PTPRD: variants seen among roughly 807,000 people sequenced by gnomAD.
The protein encoded by PTPRD is receptor-type tyrosine-protein phosphatase delta.
Under a neutral mutation model 214.5 loss-of-function variants are expected in PTPRD, and 34 were observed. The ratio of observed to expected loss-of-function variants is 0.16; its 90% CI spans 0.12 to 0.21. PTPRD has a LOEUF of 0.21. Ranked by LOEUF, PTPRD falls within the 10% of genes least tolerant of loss-of-function variation. The pLI is 1.00. For synonymous variants in PTPRD, 1,128 were observed against 845.7 expected (o/e 1.33, Z -5.79); for missense variants, 2,545 against 2,398.7 (o/e 1.06, Z -1.27).
At chr9:10,513,119 C>T (rs1281294972) in intron 2 of PTPRD, among the ~76,000 whole-genome samples, 1 of 151,420 alleles carries the variant, frequency 6.6e-6, no homozygotes, top group African/African-American at 2.4e-5. Context: ...AAAATGGTAC[C>T]AGTATTTTGT....
intron 7 of PTPRD, among the ~76,000 whole-genome samples, chr9:9,605,844 G>A (rs143605304): frequency 2.0e-4 from 31 of 152,146 alleles, no homozygotes; most frequent in African/African-American, 7.0e-4. Flanking sequence ...TGCATTACAC[G>A]AATTTCCAAC....
intron 3 of PTPRD, among the ~76,000 whole-genome samples, chr9:10,060,776 T>TTTTCTCTTTCTTTC (rs1555530999): frequency 3.0e-5 from 4 of 132,142 alleles, no homozygotes; most frequent in African/African-American, 1.6e-4. Context: ...CAGGTCTTGC[T>TTTTCTCTTTCTTTC]TTTCTTTCTT....
At chr9:9,584,325 A>C (rs768242511) in intron 7 of PTPRD, among the ~76,000 whole-genome samples, 1 of 136,602 alleles carries the variant, frequency 7.3e-6, no homozygotes, top group South Asian at 2.2e-4. Flanking sequence ...TTTGGAAAAG[A>C]AAGCTACTAC....
At chr9:9,288,231 G>C (rs1197569820) in intron 9 of PTPRD, among the ~76,000 whole-genome samples, 1 of 151,544 alleles carries the variant, frequency 6.6e-6, no homozygotes, top group Non-Finnish European at 1.5e-5. Flanking sequence ...TTTGTTGTCG[G>C]AGGTGATTTG....
At chr9:9,954,372 G>C (rs955059653) in intron 4 of PTPRD, among the ~76,000 whole-genome samples, 6 of 149,964 alleles carry the variant, frequency 4.0e-5, no homozygotes, top group African/African-American at 1.5e-4. Context: ...TCTATTTAGG[G>C]AGTAATGTAA....
intron 27 of PTPRD, among the ~76,000 whole-genome samples, chr9:8,488,481 T>C (rs141739584): frequency 3.9e-4 from 60 of 152,298 alleles, no homozygotes; most frequent in African/African-American, 1.3e-3. Flanking sequence ...TGTTGTGTTG[T>C]ATATATAAAA....
At chr9:9,101,225 TA>T in intron 10 of PTPRD, among the ~76,000 whole-genome samples, 2 of 151,982 alleles carry the variant, frequency 1.3e-5, no homozygotes, top group East Asian at 3.9e-4. Flanking sequence ...ATTATAGATA[TA>T]AAAAAAGATC....
At chr9:8,578,080 G>T (rs576957745) in intron 14 of PTPRD, among the ~76,000 whole-genome samples, 1 of 152,222 alleles carries the variant, frequency 6.6e-6, no homozygotes, top group Non-Finnish European at 1.5e-5. Context: ...ATTTCATTGC[G>T]CTTTATACAG....
chr9:9,742,376 C>A (rs2098413007), intron 6 of PTPRD, among the ~76,000 whole-genome samples: 1 of 152,116 alleles, frequency 6.6e-6, no homozygotes, highest in Non-Finnish European at 1.5e-5. Flanking sequence ...TTCACTTTCA[C>A]CTTTCGTAGA....
intron 31 of PTPRD, among the ~76,000 whole-genome samples, chr9:8,467,521 T>G (rs2096567494): frequency 6.6e-6 from 1 of 151,874 alleles, no homozygotes; most frequent in Non-Finnish European, 1.5e-5. Flanking sequence ...ATGAGGAAAC[T>G]GAGGCACAAT....
intron 14 of PTPRD, among the ~76,000 whole-genome samples, chr9:8,606,932 G>T (rs1030448298): frequency 2.6e-5 from 4 of 152,120 alleles, no homozygotes; most frequent in Non-Finnish European, 5.9e-5. Flanking sequence ...AATAGTCTTA[G>T]GTAAAGAAAA....
chr9:9,764,400 G>T (rs2098689477), intron 6 of PTPRD, among the ~76,000 whole-genome samples: 1 of 152,086 alleles, frequency 6.6e-6, no homozygotes, highest in African/African-American at 2.4e-5. Context: ...ATGAAATTTT[G>T]AAAAGAAGTT....
At chr9:9,829,653 C>T (rs1389566664) in intron 5 of PTPRD, among the ~76,000 whole-genome samples, 7 of 151,732 alleles carry the variant, frequency 4.6e-5, no homozygotes, top group Admixed American at 2.6e-4. Context: ...TAACCAAAAC[C>T]ACTACATTAA....
At position 8,423,494 on chromosome 9, in the gene PTPRD, T is replaced by A. The variant is rs147521226; in HGVS notation, c.4086+13098A>T. Among the ~76,000 whole-genome samples the A allele has an allele frequency of 7.8e-3, 1,191 of 152,258 alleles. 12 individuals carry two copies. Among genetic ancestry groups the A allele is most frequent in the African/African-American group, 0.027 (1,128 of 41,554 alleles). Reference sequence around the variant, plus strand: ...CAGAAACATGAAAGGATTTTGCATATATGAAAAGGTGTTTTTAGAATCTTA... The same window carrying A: ...CAGAAACATGAAAGGATTTTGCATAAATGAAAAGGTGTTTTTAGAATCTTA... On this transcript the variant is annotated intron_variant, in intron 35 of 45. Transcript: ENST00000381196.
chr9:8,718,485 T>C (rs2154415408), intron 12 of PTPRD, among the ~76,000 whole-genome samples: 1 of 152,286 alleles, frequency 6.6e-6, no homozygotes, highest in Admixed American at 6.5e-5. Flanking sequence ...ATTTCAGAAA[T>C]AGTAGTTCTC....
intron 7 of PTPRD, among the ~76,000 whole-genome samples, chr9:9,669,916 G>C (rs944491824): frequency 6.6e-6 from 1 of 152,116 alleles, no homozygotes; most frequent in African/African-American, 2.4e-5. Flanking sequence ...ATCAACGACT[G>C]TAAAGTTATT....
chr9:9,273,702 C>A (rs937735048), intron 9 of PTPRD, among the ~76,000 whole-genome samples: 1 of 151,230 alleles, frequency 6.6e-6, no homozygotes, highest in Non-Finnish European at 1.5e-5. Flanking sequence ...AGTGGGTTAA[C>A]CTAGCTCTGA....
At chr9:9,378,211 C>A (rs115251705) in intron 9 of PTPRD, among the ~76,000 whole-genome samples, 2,991 of 152,262 alleles carry the variant, frequency 0.02, 101 homozygotes, top group African/African-American at 0.068. Context: ...CAACCCCTGG[C>A]AACCACTGAT....
intron 10 of PTPRD, among the ~76,000 whole-genome samples, chr9:9,029,770 G>T (rs1295716816): frequency 6.6e-6 from 1 of 151,890 alleles, no homozygotes; most frequent in African/African-American, 2.4e-5. Context: ...TAAGGAACAG[G>T]TAGGTGGCTG....
Sources: allele counts gnomAD v4.1 joint callset (sites outside exome capture counted in the v4.1 genomes callset), GRCh38; gene constraint gnomAD v4.1.1; transcripts MANE v1.5; gene names NCBI Gene and HGNC (gene_info 2026-07-23, HGNC 2026-07-21).